UBE3C: variants seen among roughly 807,000 people sequenced by gnomAD.
UBE3C encodes ubiquitin-protein ligase E3C.
Under a neutral mutation model 129.4 loss-of-function variants are expected in UBE3C, and 42 were observed. That is an observed-to-expected ratio of 0.32 (90% CI 0.25 to 0.42). The LOEUF is 0.42. Ranked by LOEUF, UBE3C falls within the 10% of genes least tolerant of loss-of-function variation. UBE3C has a pLI of 1.00. For missense variants in UBE3C, 1,049 were observed against 1,319.1 expected (o/e 0.80, Z 3.17); for synonymous variants, 510 against 492.4 (o/e 1.04, Z -0.47).
At position 157,182,164 on chromosome 7, in the gene UBE3C, A is replaced by G; in HGVS notation, c.827A>G (p.Gln276Arg). The change falls in exon 8 of 23, where the codon CAG (glutamine) becomes CGG (arginine). Residue 276 changes from glutamine (Q) to arginine (R), a missense_variant. By Grantham distance (43) the Gln-to-Arg change is conservative. Around this residue, in one of 4 missense-constraint regions of UBE3C, gnomAD observed 489 missense variants for 513.8 expected, o/e 0.95. Transcript: ENST00000348165. ...TTTCTGGCAGCACCTTTTACAGATCAGATTTTTCATTTCATCATTCCGGCG... is the reference window on the plus strand; with the variant it reads ...TTTCTGGCAGCACCTTTTACAGATCGGATTTTTCATTTCATCATTCCGGCG... The part of the protein sequence containing the change: ...EEFLAAPFTD[Q>R]IFHFIIPALA... 6.2e-7 allele frequency: 1 copy of G among 1,612,136 alleles called. No homozygotes were observed. The highest frequency in any genetic ancestry group is 8.5e-7 in the Non-Finnish European group (1 of 1,179,538).
intron 13 of UBE3C, among the ~76,000 whole-genome samples, chr7:157,209,264 G>A (rs530647971): frequency 6.6e-6 from 1 of 152,294 alleles, no homozygotes; most frequent in South Asian, 2.1e-4. Context: ...TTTCTCTTAG[G>A]AGCATGAGCA....
At position 157,183,765 on chromosome 7, in the gene UBE3C, A is replaced by T. The variant is rs1054843637; in HGVS notation, c.992-113A>T. The T allele has an allele frequency of 2.7e-5, 36 of 1,324,878 alleles. No individual in the cohort carries two copies. The African/African-American group carries it at 4.7e-4, about 17-fold the overall frequency. 82.1% of individuals were successfully genotyped at this position (1,324,878 alleles called of 1,614,324 possible). ...TTATAACACAGTTAGAATTTTAAAA[A>T]TAAGATCTGGTCAGAAATGCCTCTC... On this transcript the variant is annotated intron_variant, in intron 8 of 22. Coordinates refer to ENST00000348165, the MANE Select transcript of UBE3C (RefSeq NM_014671.3).
intron 22 of UBE3C, 79 bp from the exon 23 acceptor site, chr7:157,267,506 C>T (rs1797112792): frequency 6.6e-7 from 1 of 1,526,716 alleles, no homozygotes; most frequent in African/African-American, 1.4e-5. Flanking sequence ...GGAGCAGGCA[C>T]ATTTTGTGTA....
rs1235231386 is a variant in UBE3C, at chr7:157,139,132, C to A, written c.-141C>A. 2 of 336,690 alleles carry A rather than the reference C, an allele frequency of 5.9e-6. No individual in the cohort carries two copies. The highest frequency in any genetic ancestry group is 8.5e-6 in the Non-Finnish European group (2 of 234,972). 20.9% of individuals were successfully genotyped at this position (336,690 alleles called of 1,614,324 possible). A position where few individuals can be genotyped will look rare whatever the true frequency, so the allele number is the denominator to read the frequency against. On this transcript the variant is annotated 5_prime_UTR_variant, in exon 1 of 23. Transcript: ENST00000348165. ...TGGGAGGGTACAGCCCGGGGGCGGG[C>A]TCGGGTCGCCTCCCGGCCGCCGCGT...
intron 1 of UBE3C, among the ~76,000 whole-genome samples, chr7:157,149,999 A>G (rs545950032): frequency 6.6e-6 from 1 of 152,304 alleles, no homozygotes; most frequent in African/African-American, 2.4e-5. Flanking sequence ...TGGTGGTCAA[A>G]TTACAGGCTG....
chr7:157,260,008 G>C (rs546670005), intron 22 of UBE3C, among the ~76,000 whole-genome samples: 1 of 152,080 alleles, frequency 6.6e-6, no homozygotes, highest in Non-Finnish European at 1.5e-5. Context: ...CATCGACGCC[G>C]TTATGTTCTG....
rs73743211 is a variant in UBE3C at position 157,151,703 on chromosome 7, A to T, written c.67-12107A>T. Among the ~76,000 whole-genome samples, 747 of 152,246 alleles carry T rather than the reference A, an allele frequency of 4.9e-3. 5 individuals carry two copies. Among genetic ancestry groups the T allele is most frequent in the African/African-American group, 0.017 (719 of 41,544 alleles). ...TAACAATGCAAATTCACTGATTTAG[A>T]TCATTTAGCTTTTTAATCCATTTGC... On this transcript the variant is annotated intron_variant, in intron 1 of 22. Coordinates refer to ENST00000348165, the MANE Select transcript of UBE3C (RefSeq NM_014671.3).
chr7:157,243,183 T>A lies in UBE3C; in HGVS notation c.2482-5185T>A, dbSNP rs368626341. On this transcript the variant is annotated intron_variant, in intron 18 of 22. Transcript: ENST00000348165. ...TGTCCTCCACGGTCCCCATCCCCCA[T>A]CCTCTGTGCCCTGCAGGGCTTCCGA... 1.1e-4 allele frequency among the ~76,000 whole-genome samples: 16 copies of A among 152,158 alleles called. No individual in the cohort carries two copies. The East Asian group carries it at 1.3e-3, about 13-fold the overall frequency.
intron 19 of UBE3C, among the ~76,000 whole-genome samples, chr7:157,250,014 GA>G (rs1010762146): frequency 5.3e-5 from 8 of 152,198 alleles, no homozygotes; most frequent in Non-Finnish European, 7.4e-5. Context: ...AATTTGGGGG[GA>G]AAAAATACAA....
chr7:157,248,930 C>G (rs368020420), intron 19 of UBE3C, among the ~76,000 whole-genome samples: 2 of 152,214 alleles, frequency 1.3e-5, no homozygotes, highest in African/African-American at 2.4e-5. Context: ...AGTCCTCACT[C>G]CTTGCCCGCT....
intron 1 of UBE3C, among the ~76,000 whole-genome samples, chr7:157,152,850 A>G (rs2116820730): frequency 1.3e-5 from 2 of 152,284 alleles, no homozygotes; most frequent in Middle Eastern, 6.8e-3. Flanking sequence ...AGGTGGTTCC[A>G]ACAGTCCTAC....
intron 1 of UBE3C, among the ~76,000 whole-genome samples, chr7:157,146,887 G>C (rs1337614351): frequency 1.3e-5 from 2 of 152,188 alleles, no homozygotes; most frequent in African/African-American, 2.4e-5. Context: ...CTGACCTGAA[G>C]TGATCCGCCT....
At chr7:157,156,098 C>G (rs1243889166) in intron 1 of UBE3C, among the ~76,000 whole-genome samples, 1 of 152,050 alleles carries the variant, frequency 6.6e-6, no homozygotes, top group Non-Finnish European at 1.5e-5. Context: ...CCTTATTTGC[C>G]CCTTTCCTCC....
intron 1 of UBE3C, among the ~76,000 whole-genome samples, chr7:157,147,998 T>G (rs1807653219): frequency 2.0e-5 from 3 of 152,300 alleles, no homozygotes; most frequent in South Asian, 4.1e-4. Flanking sequence ...TTTAGGGTGT[T>G]TTTGTGATGT....
In UBE3C at chr7:157,254,154, G is replaced by T; in HGVS notation, c.2883+12G>T. On this transcript the variant is annotated intron_variant, in intron 20 of 22. Coordinates refer to ENST00000348165, the MANE Select transcript of UBE3C (RefSeq NM_014671.3). The stretch of plus-strand genomic sequence containing the variant: ...AGCAAGAAATTCAGGTACCCTACCT[G>T]CTGACTTTCTGGGACACGCTTGTCA... The T allele has an allele frequency of 6.2e-7, 1 of 1,610,302 alleles. No homozygotes were observed. The highest frequency in any genetic ancestry group is 8.5e-7 in the Non-Finnish European group (1 of 1,177,808).
chr7:157,221,249 A>T (rs760044392), intron 15 of UBE3C: 1 of 153,736 alleles, frequency 6.5e-6, no homozygotes, highest in East Asian at 1.9e-4. Context: ...TTCTGTGAAC[A>T]TACATTTTGT....
intron 10 of UBE3C, chr7:157,192,611 G>A: frequency 1.3e-6 from 1 of 765,428 alleles, no homozygotes; most frequent in East Asian, 2.4e-5. Flanking sequence ...AAAGGAAGGA[G>A]TCTTACCCCA....
At chr7:157,187,091 T>G in intron 10 of UBE3C, 70 bp downstream of exon 10, 1 of 1,488,380 alleles carries the variant, frequency 6.7e-7, no homozygotes, top group Non-Finnish European at 9.0e-7. Flanking sequence ...TGGGAATTGC[T>G]CTCCTCTTAA....
chr7:157,261,538 T>C (rs1289514986), intron 22 of UBE3C, among the ~76,000 whole-genome samples: 2 of 152,156 alleles, frequency 1.3e-5, no homozygotes, highest in East Asian at 1.9e-4. Flanking sequence ...ATGTTAGACA[T>C]CCAGTTTGGA....
Sources: allele counts gnomAD v4.1 joint callset (sites outside exome capture counted in the v4.1 genomes callset), GRCh38; gene constraint gnomAD v4.1.1; regional missense constraint gnomAD v4.1.1; transcripts MANE v1.5; gene names NCBI Gene and HGNC (gene_info 2026-07-23, HGNC 2026-07-21).